Variants in TESC observed in about 807,000 individuals in gnomAD.
The protein encoded by TESC is tescalcin, also known as calcineurin B homologous protein 3.
Under a neutral mutation model 31.0 loss-of-function variants are expected in TESC, and 19 were observed. The observed-to-expected ratio is 0.61, with a 90% CI of 0.43 to 0.90. The LOEUF (loss-of-function observed/expected upper bound fraction) is 0.90. Ranked by LOEUF, TESC falls within the 40% of genes least tolerant of loss-of-function variation. The pLI is 0.00. For synonymous variants in TESC, 109 were observed against 114.8 expected (o/e 0.95, Z 0.32); for missense variants, 248 against 303.8 (o/e 0.82, Z 1.36).
intron 3 of TESC, among the ~76,000 whole-genome samples, chr12:117,050,794 G>A (rs1954637875): frequency 6.6e-6 from 1 of 152,150 alleles, no homozygotes; most frequent in Non-Finnish European, 1.5e-5. Context: ...GTGCGGTGGT[G>A]TGCACCTGTA....
At chr12:117,097,706 C>T (rs1955414151) in intron 1 of TESC, among the ~76,000 whole-genome samples, 1 of 152,018 alleles carries the variant, frequency 6.6e-6, no homozygotes, top group African/African-American at 2.4e-5. Context: ...AAAACGTTTA[C>T]GGAGAAAAAG....
intron 2 of TESC, among the ~76,000 whole-genome samples, chr12:117,071,992 GCA>G (rs1954980088): frequency 6.6e-6 from 1 of 152,184 alleles, no homozygotes; most frequent in African/African-American, 2.4e-5. Context: ...GGTGATTCGA[GCA>G]CAGTCAAGTT....
In TESC at chr12:117,094,511, GTTCT is replaced by G. The variant is rs1196069076; in HGVS notation, c.58+4710_58+4713del. Reference sequence around the variant, plus strand: ...GTGCATACAAAGGTGAACAAGACACGTTCTTTCTGCTCTAGGGAGCTCCAAGTTT... The same window carrying G: ...GTGCATACAAAGGTGAACAAGACACGTTCTGCTCTAGGGAGCTCCAAGTTT... On this transcript the variant is annotated intron_variant, in intron 1 of 7. Transcript: ENST00000335209. 2.6e-5 allele frequency among the ~76,000 whole-genome samples: 4 copies of G among 152,282 alleles called. No homozygotes were observed. In the East Asian group the frequency reaches 7.7e-4, roughly 29 times the overall value.
At chr12:117,076,972 G>A (rs1565972200) in intron 1 of TESC, among the ~76,000 whole-genome samples, 1 of 152,074 alleles carries the variant, frequency 6.6e-6, no homozygotes, top group Admixed American at 6.6e-5. Context: ...CCAAAACACG[G>A]GCTGGACTGC....
intron 2 of TESC, among the ~76,000 whole-genome samples, chr12:117,062,146 C>G (rs1350773904): frequency 2.0e-5 from 3 of 152,112 alleles, no homozygotes; most frequent in Admixed American, 2.0e-4. Flanking sequence ...ATGGAAGGAA[C>G]TATTCTAAGA....
chr12:117,053,040 G>A (rs1476557547), intron 3 of TESC, among the ~76,000 whole-genome samples: 2 of 152,194 alleles, frequency 1.3e-5, no homozygotes, highest in Non-Finnish European at 2.9e-5. Context: ...GCCCCTTCCT[G>A]CCTAGCTCCC....
At chr12:117,091,941 G>C (rs559531297) in intron 1 of TESC, among the ~76,000 whole-genome samples, 2 of 152,234 alleles carry the variant, frequency 1.3e-5, no homozygotes, top group African/African-American at 4.8e-5. Context: ...TGGGGTTCTC[G>C]GCATGCGGGA....
intron 2 of TESC, among the ~76,000 whole-genome samples, chr12:117,059,561 T>A (rs1325360950): frequency 6.6e-6 from 1 of 152,088 alleles, no homozygotes; most frequent in Non-Finnish European, 1.5e-5. Flanking sequence ...GAACAAGGTT[T>A]TTTGTTTTGT....
chr12:117,070,457 C>T (rs553499768), intron 2 of TESC, among the ~76,000 whole-genome samples: 2 of 152,258 alleles, frequency 1.3e-5, no homozygotes, highest in Middle Eastern at 6.8e-3. Context: ...GTGCAGCTGA[C>T]ACGAACCTCG....
intron 1 of TESC, among the ~76,000 whole-genome samples, chr12:117,086,624 G>A (rs1411569700): frequency 6.6e-6 from 1 of 151,752 alleles, no homozygotes; most frequent in Non-Finnish European, 1.5e-5. Context: ...CTTTTGTAGA[G>A]ACAGGGTCTT....
At chr12:117,072,960 T>C (rs1264542266) in intron 2 of TESC, among the ~76,000 whole-genome samples, 1 of 152,134 alleles carries the variant, frequency 6.6e-6, no homozygotes, top group Non-Finnish European at 1.5e-5. Flanking sequence ...AAATATTTTG[T>C]AGAGAAAGGG....
chr12:117,084,603 T>G (rs951128258), intron 1 of TESC, among the ~76,000 whole-genome samples: 1 of 152,050 alleles, frequency 6.6e-6, no homozygotes, highest in Non-Finnish European at 1.5e-5. Flanking sequence ...GCATCACCAG[T>G]GGGAGGAGAG....
chr12:117,056,747 G>C, intron 3 of TESC, 59 bp downstream of exon 3: 1 of 1,548,078 alleles, frequency 6.5e-7, no homozygotes, highest in South Asian at 1.1e-5. Context: ...CAAGTATCCC[G>C]AGATGTTACA....
intron 1 of TESC, among the ~76,000 whole-genome samples, chr12:117,075,901 A>ATGTGTGTG (rs1171032346): frequency 7.0e-5 from 6 of 86,130 alleles, no homozygotes; most frequent in African/African-American, 2.3e-4. Flanking sequence ...ATATATATAT[A>ATGTGTGTG]TATATATATA....
chr12:117,056,718 A>C, intron 3 of TESC, 88 bp downstream of exon 3: 2 of 1,443,348 alleles, frequency 1.4e-6, no homozygotes, highest in Middle Eastern at 1.9e-4. Context: ...GCATCAGCTC[A>C]AAGGGTCATT....
intron 6 of TESC, among the ~76,000 whole-genome samples, chr12:117,046,243 C>A (rs1199770664): frequency 6.6e-6 from 1 of 152,222 alleles, no homozygotes; most frequent in Non-Finnish European, 1.5e-5. Flanking sequence ...CTAGGCCTGG[C>A]CCCAGGGTCA....
At chr12:117,053,293 G>GCCAGTTGT (rs1173480044) in intron 3 of TESC, among the ~76,000 whole-genome samples, 1 of 152,120 alleles carries the variant, frequency 6.6e-6, no homozygotes, top group Non-Finnish European at 1.5e-5. Context: ...CATACCCAGT[G>GCCAGTTGT]CACCCTCTTG....
chr12:117,069,534 G>A (rs111249153), intron 2 of TESC, among the ~76,000 whole-genome samples: 21,387 of 151,964 alleles, frequency 0.14, 1,633 homozygotes, highest in Middle Eastern at 0.21. Flanking sequence ...CACTGCGCCC[G>A]GCCAACAATA....
At chr12:117,051,620 A>G (rs528352568) in intron 3 of TESC, among the ~76,000 whole-genome samples, 5 of 152,328 alleles carry the variant, frequency 3.3e-5, no homozygotes, top group Admixed American at 1.3e-4. Context: ...CCCTTCCCAC[A>G]GCGACTGGCT....
Sources: gnomAD v4.1 joint callset for allele counts (sites outside exome capture counted in the v4.1 genomes callset) on GRCh38, gnomAD v4.1.1 for gene constraint, MANE v1.5 for transcripts, NCBI Gene and HGNC (gene_info 2026-07-23, HGNC 2026-07-21) for gene names.